Variants in PPP2R2C observed in about 807,000 individuals in gnomAD.
PPP2R2C encodes protein phosphatase 2, regulatory subunit B, gamma.
A neutral mutation model predicts 45.3 loss-of-function variants in PPP2R2C; 10 were observed. The ratio of observed to expected loss-of-function variants is 0.22; its 90% CI spans 0.14 to 0.37. The LOEUF (loss-of-function observed/expected upper bound fraction) is 0.37. Ranked by LOEUF, PPP2R2C falls within the 10% of genes least tolerant of loss-of-function variation. The probability of loss-of-function intolerance (pLI) is 1.00; values close to 1 mark genes in which losing one functional copy is unlikely to be tolerated. For missense variants in PPP2R2C, 308 were observed against 619.7 expected, an observed-to-expected ratio of 0.50 and a Z score of 5.34; for synonymous variants, 257 against 245.4, an observed-to-expected ratio of 1.05 and a Z score of -0.44.
chr4:6,501,488 T>C (rs761908910), intron 2 of PPP2R2C, among the ~76,000 whole-genome samples: 6 of 152,224 alleles, frequency 3.9e-5, no homozygotes, highest in Non-Finnish European at 7.3e-5. Flanking sequence ...TGGGGGACCA[T>C]GCCCCTTCGG....
intron 1 of PPP2R2C, among the ~76,000 whole-genome samples, chr4:6,398,079 C>A (rs1347516133): frequency 1.3e-5 from 2 of 152,176 alleles, no homozygotes; most frequent in East Asian, 1.9e-4. Flanking sequence ...TGACTGGGGG[C>A]AAAATGAATA....
At chr4:6,559,056 C>A (rs1355956435) in intron 1 of PPP2R2C, among the ~76,000 whole-genome samples, 2 of 152,232 alleles carry the variant, frequency 1.3e-5, no homozygotes, top group Admixed American at 6.5e-5. Context: ...GGGAACACTG[C>A]GCTGAGACAG....
At chr4:6,348,428 C>T (rs946669368) in intron 5 of PPP2R2C, among the ~76,000 whole-genome samples, 4 of 152,038 alleles carry the variant, frequency 2.6e-5, no homozygotes, top group Non-Finnish European at 2.9e-5. Flanking sequence ...GCAGTGGATG[C>T]TATTGGTGAA....
At chr4:6,420,933 C>T in intron 1 of PPP2R2C, 1 of 985,116 alleles carries the variant, frequency 1.0e-6, no homozygotes, top group Admixed American at 6.1e-5. Context: ...AAGCCTCCTC[C>T]TACGCCACCT....
In PPP2R2C at chr4:6,459,611, T is replaced by C. The variant is rs148849392; in HGVS notation, c.70+12549A>G. 4.0e-3 allele frequency among the ~76,000 whole-genome samples: 614 copies of C among 152,146 alleles called. 1 individual carries two copies. The highest frequency in any genetic ancestry group is 7.0e-3 in the Non-Finnish European group (473 of 68,008). Reference sequence around the variant, plus strand: ...TTGAATATATGCCATGGTCAATAAATATAATAAAGGAAGTTCAATCTCACT... The same window carrying C: ...TTGAATATATGCCATGGTCAATAAACATAATAAAGGAAGTTCAATCTCACT... On this transcript the variant is annotated intron_variant, in intron 1 of 8. Transcript: ENST00000382599.
At chr4:6,400,534 C>T (rs981037592) in intron 1 of PPP2R2C, among the ~76,000 whole-genome samples, 12 of 152,140 alleles carry the variant, frequency 7.9e-5, no homozygotes, top group African/African-American at 2.9e-4. Context: ...AAAAAGGGGT[C>T]CTAAGACCAA....
intron 1 of PPP2R2C, among the ~76,000 whole-genome samples, chr4:6,542,709 A>AAAAAAAAAAAAG (rs112182178): frequency 0.13 from 16,319 of 127,716 alleles, 2,033 homozygotes; most frequent in East Asian, 0.52. Context: ...TCTCAAAAAA[A>AAAAAAAAAAAAG]AAAAAGAAAA....
intron 6 of PPP2R2C, among the ~76,000 whole-genome samples, chr4:6,346,465 G>C (rs1017987558): frequency 6.6e-6 from 1 of 152,228 alleles, no homozygotes; most frequent in East Asian, 1.9e-4. Context: ...CTGACTTTGT[G>C]GGTGTTGGTG....
rs144435144 is a variant in PPP2R2C, at chr4:6,331,792, C to T, written c.960+1770G>A. ...TGTGGCGCTGCCGGGGTCATGGAGCCCCCCCACCTTCCTGGACTGCCCTCT... is the reference window on the plus strand; with the variant it reads ...TGTGGCGCTGCCGGGGTCATGGAGCTCCCCCACCTTCCTGGACTGCCCTCT... On this transcript the variant is annotated intron_variant, in intron 7 of 8. Coordinates refer to ENST00000382599, the MANE Select transcript of PPP2R2C (RefSeq NM_020416.4). This position sits in a 1 kb window ranked among gnomAD's most constrained non-coding sequence, Gnocchi z 5.9. Among the ~76,000 whole-genome samples, 2 of 152,014 alleles carry T rather than the reference C, an allele frequency of 1.3e-5. No homozygotes were observed. The highest frequency in any genetic ancestry group is 6.6e-5 in the Admixed American group (1 of 15,256).
chr4:6,396,165 C>T (rs572315272), intron 1 of PPP2R2C, among the ~76,000 whole-genome samples: 1 of 152,288 alleles, frequency 6.6e-6, no homozygotes, highest in East Asian at 1.9e-4. Flanking sequence ...TTGTACTCCA[C>T]CCAGGAGCAG....
chr4:6,428,631 C>T (rs181944907), intron 1 of PPP2R2C, among the ~76,000 whole-genome samples: 2 of 152,302 alleles, frequency 1.3e-5, no homozygotes, highest in Non-Finnish European at 1.5e-5. Context: ...AGGGTTGACT[C>T]GTTTGGGGCA....
In PPP2R2C at chr4:6,450,854, A is replaced by G. The variant is rs144452487; in HGVS notation, c.70+21306T>C. Among the ~76,000 whole-genome samples, 361 of 152,180 alleles carry G rather than the reference A, an allele frequency of 2.4e-3. 5 individuals carry two copies. The highest frequency in any genetic ancestry group is 8.1e-3 in the African/African-American group (336 of 41,510). On this transcript the variant is annotated intron_variant, in intron 1 of 8. Coordinates refer to ENST00000382599, the MANE Select transcript of PPP2R2C (RefSeq NM_020416.4). ...TCCGCCTGGCCCTGCCACCTGCCAC[A>G]TTGCATAGCTCCTTGCTCACGTGGG... is the stretch of plus-strand genomic sequence containing the variant.
chr4:6,339,828 G>A (rs1258205342), intron 6 of PPP2R2C, among the ~76,000 whole-genome samples: 1 of 152,198 alleles, frequency 6.6e-6, no homozygotes, highest in African/African-American at 2.4e-5. Context: ...TGGGATACAA[G>A]GCCATCCACG....
chr4:6,451,184 A>C (rs1318356780), intron 1 of PPP2R2C, among the ~76,000 whole-genome samples: 1 of 152,140 alleles, frequency 6.6e-6, no homozygotes, highest in Non-Finnish European at 1.5e-5. Flanking sequence ...CTCAGGACAC[A>C]GACCTTGTCA....
chr4:6,436,272 A>G (rs1450692464), intron 1 of PPP2R2C, among the ~76,000 whole-genome samples: 1 of 152,248 alleles, frequency 6.6e-6, no homozygotes, highest in African/African-American at 2.4e-5. Context: ...CAGCCAATGC[A>G]CTTGTTCTTA....
At chr4:6,412,219 T>C (rs1412535816) in intron 1 of PPP2R2C, among the ~76,000 whole-genome samples, 4 of 152,206 alleles carry the variant, frequency 2.6e-5, no homozygotes, top group African/African-American at 9.6e-5. Context: ...CTTCAGAAGG[T>C]GATGACTATT....
At chr4:6,336,426 G>A (rs1298492265) in intron 6 of PPP2R2C, among the ~76,000 whole-genome samples, 1 of 152,014 alleles carries the variant, frequency 6.6e-6, no homozygotes, top group Non-Finnish European at 1.5e-5. Flanking sequence ...CGAGCCCCTC[G>A]TGTGGCCTTG....
intron 1 of PPP2R2C, among the ~76,000 whole-genome samples, chr4:6,387,575 C>A (rs1355649474): frequency 6.6e-6 from 1 of 152,144 alleles, no homozygotes. Flanking sequence ...CTTTGGGAGT[C>A]CAAGCCGGGT....
intron 5 of PPP2R2C, among the ~76,000 whole-genome samples, chr4:6,352,677 G>C (rs1361227209): frequency 2.0e-5 from 3 of 152,190 alleles, no homozygotes; most frequent in Admixed American, 1.3e-4. Context: ...GAAAAGGAGA[G>C]AAGGTAAAAT....
Sources: gnomAD v4.1 joint callset for allele counts (sites outside exome capture counted in the v4.1 genomes callset) on GRCh38, gnomAD v4.1.1 for gene constraint, Gnocchi (gnomAD v3.1) non-coding constraint, MANE v1.5 for transcripts, NCBI Gene and HGNC (gene_info 2026-07-23, HGNC 2026-07-21) for gene names.